The following LPP variants were observed in gnomAD, a reference collection of about 807,000 sequenced individuals.
LPP encodes lipoma-preferred partner.
Under a neutral mutation model 60.4 loss-of-function variants are expected in LPP, and 38 were observed. That is an observed-to-expected ratio of 0.63 (90% confidence interval 0.49 to 0.83). The LOEUF is 0.83. Among genes scored for constraint, LPP ranks in the 40% least tolerant of loss-of-function variants. The pLI, the probability that LPP is intolerant of heterozygous loss-of-function variation, is 0.00. For synonymous variants in LPP, 328 were observed against 290.8 expected, an observed-to-expected ratio of 1.13 and a Z score of -1.30; for missense variants, 902 against 783.6, an observed-to-expected ratio of 1.15 and a Z score of -1.80.
intron 2 of LPP, among the ~76,000 whole-genome samples, chr3:188,334,535 T>A (rs4516604): frequency 0.98 from 148,009 of 151,028 alleles, 72,571 homozygotes; most frequent in African/African-American, 1. Flanking sequence ...GGTTCAAGCG[T>A]TTCTCCTGCC....
chr3:188,193,253 C>T (rs1200537109), intron 1 of LPP, among the ~76,000 whole-genome samples: 3 of 152,164 alleles, frequency 2.0e-5, no homozygotes, highest in African/African-American at 4.8e-5. Context: ...CCTCCCTCAA[C>T]CATTACAACA....
At chr3:188,839,182 G>A (rs1240722848) in intron 9 of LPP, among the ~76,000 whole-genome samples, 1 of 152,136 alleles carries the variant, frequency 6.6e-6, no homozygotes, top group East Asian at 1.9e-4. Flanking sequence ...CTACAAGTAG[G>A]GAAAGGCATT....
intron 7 of LPP, among the ~76,000 whole-genome samples, chr3:188,615,801 CATT>C (rs1184461167): frequency 3.3e-5 from 5 of 152,122 alleles, no homozygotes; most frequent in East Asian, 1.9e-4. Context: ...GATGGTATCT[CATT>C]GTTGTTTTGA....
At chr3:188,412,858 T>C (rs1785215987) in intron 4 of LPP, among the ~76,000 whole-genome samples, 1 of 152,158 alleles carries the variant, frequency 6.6e-6, no homozygotes, top group Admixed American at 6.6e-5. Context: ...TTTCTGCTAC[T>C]GTGAGGTTAC....
chr3:188,590,339 G>A (rs993020111), intron 6 of LPP, among the ~76,000 whole-genome samples: 13 of 152,116 alleles, frequency 8.5e-5, no homozygotes, highest in African/African-American at 3.1e-4. Context: ...TTGGGAGGCC[G>A]AGGCGGGTGG....
intron 2 of LPP, among the ~76,000 whole-genome samples, chr3:188,292,793 G>A (rs1746446528): frequency 6.6e-6 from 1 of 152,142 alleles, no homozygotes; most frequent in Non-Finnish European, 1.5e-5. Flanking sequence ...TTTATAAGGA[G>A]GCAGAAAGTG....
rs540690705 is a variant in LPP, at chr3:188,505,160, A to G, written c.307-19505A>G. Among the ~76,000 whole-genome samples the G allele has an allele frequency of 2.6e-4, 39 of 152,292 alleles. 1 individual carries two copies. The South Asian group carries it at 6.8e-3, about 27-fold the overall frequency. On this transcript the variant is annotated intron_variant, in intron 5 of 11. Coordinates refer to ENST00000617246, the MANE Select transcript of LPP (RefSeq NM_001375462.1). Reference sequence around the variant, plus strand: ...CTTTAATAGACTCTGGACTTCCAAAATAAGTTGTTGATATAGATGGTGGCA... The same window carrying G: ...CTTTAATAGACTCTGGACTTCCAAAGTAAGTTGTTGATATAGATGGTGGCA...
chr3:188,282,741 G>A (rs1406512987), intron 2 of LPP, among the ~76,000 whole-genome samples: 3 of 152,148 alleles, frequency 2.0e-5, no homozygotes, highest in Non-Finnish European at 4.4e-5. Flanking sequence ...TTCATGCTTA[G>A]CTCAAATTCC....
chr3:188,829,458 G>A (rs1294943062), intron 9 of LPP, among the ~76,000 whole-genome samples: 1 of 152,096 alleles, frequency 6.6e-6, no homozygotes, highest in East Asian at 1.9e-4. Context: ...CTCTATGCAT[G>A]CCCCATACCC....
At chr3:188,387,579 T>G (rs1778635490) in intron 3 of LPP, among the ~76,000 whole-genome samples, 1 of 151,678 alleles carries the variant, frequency 6.6e-6, no homozygotes, top group Non-Finnish European at 1.5e-5. Flanking sequence ...TTTTTTTTTT[T>G]TTTTTGAGGC....
intron 9 of LPP, among the ~76,000 whole-genome samples, chr3:188,803,524 C>T (rs1436672786): frequency 6.6e-6 from 1 of 151,942 alleles, no homozygotes; most frequent in Non-Finnish European, 1.5e-5. Flanking sequence ...GTATTTTTCC[C>T]CCCATAGGGA....
chr3:188,592,563 T>TTTTTTTTTTTTTTTTTTTTTTTTTTG, intron 6 of LPP, among the ~76,000 whole-genome samples: 1 of 77,226 alleles, frequency 1.3e-5, no homozygotes, highest in African/African-American at 4.7e-5. Context: ...TTTTGTTTTT[T>TTTTTTTTTTTTTTTTTTTTTTTTTTG]AAATGGAGTC....
intron 9 of LPP, among the ~76,000 whole-genome samples, chr3:188,812,496 G>A (rs945725853): frequency 6.6e-5 from 10 of 152,074 alleles, no homozygotes; most frequent in Admixed American, 3.3e-4. Flanking sequence ...ATGACTAGAA[G>A]AACTGAAAAA....
chr3:188,477,395 G>C (rs1433386363), intron 4 of LPP, among the ~76,000 whole-genome samples: 1 of 152,140 alleles, frequency 6.6e-6, no homozygotes, highest in Non-Finnish European at 1.5e-5. Flanking sequence ...GGCAGAGTGG[G>C]ACAGGAAAAG....
At chr3:188,790,066 C>T (rs537766594) in intron 9 of LPP, among the ~76,000 whole-genome samples, 94 of 152,058 alleles carry the variant, frequency 6.2e-4, no homozygotes, top group African/African-American at 2.1e-3. Flanking sequence ...AGACAGTAGG[C>T]GTATTTGCAT....
chr3:188,762,334 C>T (rs1286868176), intron 9 of LPP, among the ~76,000 whole-genome samples: 3 of 152,146 alleles, frequency 2.0e-5, no homozygotes, highest in Non-Finnish European at 4.4e-5. Flanking sequence ...GTAAAGCACA[C>T]TGGGCCTCTT....
chr3:188,633,168 G>A (rs929474742), intron 7 of LPP, among the ~76,000 whole-genome samples: 3 of 152,122 alleles, frequency 2.0e-5, no homozygotes, highest in African/African-American at 7.2e-5. Context: ...ATCATACTGG[G>A]CTATGAGTAC....
intron 9 of LPP, among the ~76,000 whole-genome samples, chr3:188,832,178 C>T (rs1475307849): frequency 6.6e-6 from 1 of 152,088 alleles, no homozygotes; most frequent in Non-Finnish European, 1.5e-5. Context: ...TGGGGTGTAA[C>T]TTACCATGAT....
intron 9 of LPP, among the ~76,000 whole-genome samples, chr3:188,810,129 A>G: frequency 6.6e-6 from 1 of 152,178 alleles, no homozygotes. Context: ...TTCTATCTGC[A>G]CTGCCCAAAG....
Sources: gnomAD v4.1 joint callset for allele counts (sites outside exome capture counted in the v4.1 genomes callset) on GRCh38, gnomAD v4.1.1 for gene constraint, MANE v1.5 for transcripts, NCBI Gene and HGNC (gene_info 2026-07-23, HGNC 2026-07-21) for gene names.